SUPT3H: variants seen among roughly 807,000 people sequenced by gnomAD.
SUPT3H encodes the protein transcription initiation protein SPT3 homolog.
SUPT3H carries 44 observed loss-of-function variants against 44.3 expected under a neutral mutation model. The observed-to-expected ratio is 0.99, with a 90% CI of 0.78 to 1.28. The LOEUF (loss-of-function observed/expected upper bound fraction) is 1.28, where lower values mean the gene tolerates loss of function less well. Ranked by LOEUF, SUPT3H falls within the 50% of genes most tolerant of loss-of-function variation. The pLI is 0.00. For synonymous variants in SUPT3H, 124 were observed against 125.6 expected, an observed-to-expected ratio of 0.99 and a Z score of 0.09; for missense variants, 380 against 387.1, an observed-to-expected ratio of 0.98 and a Z score of 0.15.
intron 2 of SUPT3H, among the ~76,000 whole-genome samples, chr6:45,125,209 C>T (rs752930171): frequency 3.3e-5 from 5 of 152,118 alleles, no homozygotes; most frequent in African/African-American, 7.2e-5. Flanking sequence ...AACTTATCAA[C>T]GTATTAGGCG....
At chr6:45,307,245 C>T (rs1783179595) in intron 2 of SUPT3H, among the ~76,000 whole-genome samples, 2 of 152,224 alleles carry the variant, frequency 1.3e-5, no homozygotes, top group Admixed American at 1.3e-4. Flanking sequence ...TTAAACGTCC[C>T]TGTCTCACAG....
At chr6:45,328,609 C>G in intron 2 of SUPT3H, 1 of 1,607,180 alleles carries the variant, frequency 6.2e-7, no homozygotes, top group South Asian at 1.1e-5. Flanking sequence ...TCTATGTACT[C>G]CAGGCATACT....
chr6:44,829,815 A>G lies in SUPT3H; in HGVS notation c.*1T>C. On this transcript the variant is annotated 3_prime_UTR_variant, in exon 11 of 11. Coordinates refer to ENST00000371459, the MANE Select transcript of SUPT3H (RefSeq NM_003599.4). ...GTTGCAGGCACATCACAGTTGTCAC[A>G]TCAGCAGGCTAGAAAAGCCATCCCA... is the stretch of plus-strand genomic sequence containing the variant. 1 of 1,613,168 alleles carries G rather than the reference A, an allele frequency of 6.2e-7. No homozygotes were observed. Among genetic ancestry groups the G allele is most frequent in the Non-Finnish European group, 8.5e-7 (1 of 1,179,216 alleles).
chr6:45,281,131 T>C (rs1483340090), intron 2 of SUPT3H, among the ~76,000 whole-genome samples: 1 of 152,176 alleles, frequency 6.6e-6, no homozygotes, highest in African/African-American at 2.4e-5. Flanking sequence ...GATGGCCGAA[T>C]AGGAACAGCT....
At chr6:44,988,628 T>A (rs191516717) in intron 6 of SUPT3H, among the ~76,000 whole-genome samples, 144 of 151,106 alleles carry the variant, frequency 9.5e-4, no homozygotes, top group African/African-American at 3.3e-3. Flanking sequence ...TTCCTATTTT[T>A]AAAAAAAAGA....
chr6:44,992,989 C>A (rs1780793460), intron 6 of SUPT3H, among the ~76,000 whole-genome samples: 2 of 151,952 alleles, frequency 1.3e-5, no homozygotes, highest in South Asian at 2.1e-4. Flanking sequence ...CATAGTAAGA[C>A]CCTGTCTCTA....
intron 2 of SUPT3H, among the ~76,000 whole-genome samples, chr6:45,252,985 G>A (rs76524658): frequency 0.025 from 3,759 of 151,824 alleles, 159 homozygotes; most frequent in African/African-American, 0.084. Flanking sequence ...ATTCATAGAG[G>A]GCTATGAGAG....
intron 2 of SUPT3H, among the ~76,000 whole-genome samples, chr6:45,339,438 C>A (rs1480364333): frequency 4.6e-5 from 7 of 152,116 alleles, no homozygotes; most frequent in Admixed American, 3.3e-4. Flanking sequence ...TATATTAATT[C>A]CAAATTGTGT....
At chr6:44,880,587 G>C (rs1030677308) in intron 10 of SUPT3H, among the ~76,000 whole-genome samples, 2 of 152,118 alleles carry the variant, frequency 1.3e-5, no homozygotes, top group African/African-American at 4.8e-5. Flanking sequence ...ACACCACAAA[G>C]ATATTCCTTT....
At chr6:45,014,719 TAC>T (rs1783987003) in intron 5 of SUPT3H, 80 bp downstream of exon 5, 2 of 906,436 alleles carry the variant, frequency 2.2e-6, no homozygotes, top group Admixed American at 3.4e-5. Context: ...GTTCTCCAGT[TAC>T]ATTGGAATTG....
chr6:45,128,585 T>TAC (rs1346769411), intron 2 of SUPT3H, among the ~76,000 whole-genome samples: 1 of 95,484 alleles, frequency 1.0e-5, no homozygotes, highest in Non-Finnish European at 2.0e-5. Flanking sequence ...CACACACACA[T>TAC]ACACATATAT....
chr6:45,177,390 G>A lies in SUPT3H; in HGVS notation c.102-71384C>T, dbSNP rs977118044. ...GAGAAAAAAGAATAAAAAGAAACGA[G>A]TAAAGCCTCCAAGAAATATGGGACT... is the stretch of plus-strand genomic sequence containing the variant. On this transcript the variant is annotated intron_variant, in intron 2 of 10. Coordinates refer to ENST00000371459, the MANE Select transcript of SUPT3H (RefSeq NM_003599.4). 2.3e-3 allele frequency among the ~76,000 whole-genome samples: 353 copies of A among 152,226 alleles called. 5 individuals are homozygous for A. The highest frequency in any genetic ancestry group is 0.02 in the Admixed American group (309 of 15,298).
rs9369559 is a variant in SUPT3H, at chr6:45,309,382, T to C, written c.101+55819A>G. Among the ~76,000 whole-genome samples, 372 of 151,306 alleles carry C rather than the reference T, an allele frequency of 2.5e-3. 12 individuals are homozygous for C. The East Asian group carries it at 0.065, about 26-fold the overall frequency. Reference sequence around the variant, plus strand: ...ATGAAATTAAAACTTTAACTGAGTATCAACAATATCAGAACTGATCAAGCA... The same window carrying C: ...ATGAAATTAAAACTTTAACTGAGTACCAACAATATCAGAACTGATCAAGCA... On this transcript the variant is annotated intron_variant, in intron 2 of 10. Transcript: ENST00000371459.
intron 10 of SUPT3H, among the ~76,000 whole-genome samples, chr6:44,927,200 AATG>A (rs1420774789): frequency 6.6e-6 from 1 of 152,140 alleles, no homozygotes; most frequent in Non-Finnish European, 1.5e-5. Flanking sequence ...TATACTATAA[AATG>A]ATAAGTAACA....
intron 2 of SUPT3H, among the ~76,000 whole-genome samples, chr6:45,152,858 T>C (rs1387790416): frequency 6.6e-6 from 1 of 152,102 alleles, no homozygotes; most frequent in African/African-American, 2.4e-5. Flanking sequence ...TAAAAAAATA[T>C]ATATACATTT....
chr6:45,062,324 G>A (rs1393489000), intron 3 of SUPT3H, among the ~76,000 whole-genome samples: 1 of 152,094 alleles, frequency 6.6e-6, no homozygotes, highest in Non-Finnish European at 1.5e-5. Flanking sequence ...TAGTTTTCAA[G>A]GCATAAATCC....
intron 10 of SUPT3H, among the ~76,000 whole-genome samples, chr6:44,879,242 A>C (rs1179277340): frequency 2.0e-5 from 3 of 152,080 alleles, no homozygotes; most frequent in Non-Finnish European, 4.4e-5. Flanking sequence ...TGGTGGTGGG[A>C]GGGGCGTCCA....
At chr6:45,187,410 C>T (rs1048765819) in intron 2 of SUPT3H, among the ~76,000 whole-genome samples, 2 of 100,980 alleles carry the variant, frequency 2.0e-5, no homozygotes, top group Non-Finnish European at 3.8e-5. Flanking sequence ...GGCAAAACTC[C>T]GTTTCAAAAA....
At chr6:44,935,216 A>C (rs1771214012) in intron 9 of SUPT3H, among the ~76,000 whole-genome samples, 1 of 152,038 alleles carries the variant, frequency 6.6e-6, no homozygotes, top group Non-Finnish European at 1.5e-5. Context: ...TTTGTCTGTC[A>C]ACATCTAGTC....
Sources: gnomAD v4.1 joint callset for allele counts (sites outside exome capture counted in the v4.1 genomes callset) on GRCh38, gnomAD v4.1.1 for gene constraint, MANE v1.5 for transcripts, NCBI Gene and HGNC (gene_info 2026-07-23, HGNC 2026-07-21) for gene names.